The following MCF2L variants were observed in gnomAD, a reference collection of about 807,000 sequenced individuals.
MCF2L encodes the protein guanine nucleotide exchange factor DBS.
A neutral mutation model predicts 153.4 loss-of-function variants in MCF2L; 97 were observed. That is an observed-to-expected ratio of 0.63 (90% CI 0.54 to 0.75). MCF2L has a LOEUF of 0.75. MCF2L is among the 30% of genes least tolerant of loss of function. The pLI is 0.00. For missense variants in MCF2L, 1,347 were observed against 1,495.2 expected, an observed-to-expected ratio of 0.90 and a Z score of 1.64; for synonymous variants, 659 against 632.2, an observed-to-expected ratio of 1.04 and a Z score of -0.64.
intron 2 of MCF2L, among the ~76,000 whole-genome samples, chr13:112,930,353 C>G (rs1266703622): frequency 6.6e-6 from 1 of 152,110 alleles, no homozygotes; most frequent in African/African-American, 2.4e-5. Flanking sequence ...TGGAATATTA[C>G]TCAGCAGTGA....
In MCF2L at chr13:113,094,538, T is replaced by A. The variant is rs1209259842; in HGVS notation, c.2978T>A (p.Leu993Gln). The A allele has an allele frequency of 1.4e-5, 22 of 1,612,382 alleles. No homozygotes were observed. Among genetic ancestry groups the A allele is most frequent in the Non-Finnish European group, 1.8e-5 (21 of 1,179,612 alleles). ...GGTTGGAGCAAAACGTCCCACTCACTGGAGGCACCTGAGGACGACGGGGGC... is the reference window on the plus strand; with the variant it reads ...GGTTGGAGCAAAACGTCCCACTCACAGGAGGCACCTGAGGACGACGGGGGC... ...GKGWSKTSHS[L>Q]EAPEDDGGWS... is the part of the protein sequence containing the mutation. Residue 993 changes from leucine (L) to glutamine (Q), a missense_variant, in exon 27 of 30, where the codon CTG becomes CAG. Physicochemically the swap from Leu to Gln is moderately radical, Grantham distance 113. Coordinates refer to ENST00000535094, the MANE Select transcript of MCF2L (RefSeq NM_001112732.3).
intron 1 of MCF2L, chr13:112,979,428 C>A (rs1486986027): frequency 1.0e-5 from 14 of 1,401,068 alleles, no homozygotes; most frequent in Non-Finnish European, 1.2e-5. Flanking sequence ...TCTGGGAGGC[C>A]GGGCACTCTG....
intron 1 of MCF2L, among the ~76,000 whole-genome samples, chr13:112,984,886 T>C (rs2082573594): frequency 1.3e-5 from 2 of 152,034 alleles, no homozygotes; most frequent in Admixed American, 6.5e-5. Context: ...ATCCCTCCAA[T>C]TGCCAGTGGT....
chr13:112,895,071 G>A (rs1027734050), intron 1 of MCF2L, among the ~76,000 whole-genome samples: 1 of 152,194 alleles, frequency 6.6e-6, no homozygotes, highest in African/African-American at 2.4e-5. Flanking sequence ...CGTGGAGCGC[G>A]GGCTGGGCGG....
chr13:112,973,149 A>G (rs1392333644), intron 1 of MCF2L, among the ~76,000 whole-genome samples: 1 of 152,134 alleles, frequency 6.6e-6, no homozygotes, highest in Non-Finnish European at 1.5e-5. Flanking sequence ...CCTGCTTATT[A>G]GCCAGCCCAG....
Position 113,088,628 on chromosome 13 carries a change from G to A in MCF2L, c.2834G>A (p.Ser945Asn). The A allele has an allele frequency of 6.2e-7, 1 of 1,606,278 alleles. No homozygotes were observed. The highest frequency in any genetic ancestry group is 8.5e-7 in the Non-Finnish European group (1 of 1,179,714). ...SLPLPAPTST[S>N]PSRGNSRNIK... The stretch of plus-strand genomic sequence containing the variant: ...CCCCTGCCGGCCCCGACCAGCACCA[G>A]GTGAGAATGGACACGCTGCCGCAGG... The change falls in exon 25 of 30, where the codon AGT (serine) becomes AAT (asparagine). Residue 945 changes from serine to asparagine, a missense_variant and splice_region_variant. Ser to Asn is a conservative substitution (Grantham distance 46). Around this residue, in one of 3 missense-constraint regions of MCF2L, gnomAD observed 383 missense variants for 335.4 expected, o/e 1.14. Coordinates refer to ENST00000535094, the MANE Select transcript of MCF2L (RefSeq NM_001112732.3).
intron 1 of MCF2L, among the ~76,000 whole-genome samples, chr13:113,008,388 C>T (rs1435348796): frequency 6.6e-6 from 1 of 152,204 alleles, no homozygotes; most frequent in Non-Finnish European, 1.5e-5. Context: ...CAGTCACCCT[C>T]ATAGGAGTCC....
At chr13:113,005,436 G>A (rs1403242555) in intron 1 of MCF2L, among the ~76,000 whole-genome samples, 2 of 152,184 alleles carry the variant, frequency 1.3e-5, no homozygotes, top group African/African-American at 4.8e-5. Context: ...GGTGGGCCAT[G>A]GACTATTCGT....
rs59469407 is a variant in MCF2L, at chr13:113,050,281, A to AGT, written c.369+4924_369+4925dup. 2.6e-3 allele frequency among the ~76,000 whole-genome samples: 380 copies of AGT among 147,244 alleles called. 3 individuals carry two copies. Among genetic ancestry groups the AGT allele is most frequent in the African/African-American group, 7.5e-3 (296 of 39,600 alleles). On this transcript the variant is annotated intron_variant, in intron 4 of 29. Coordinates refer to ENST00000535094, the MANE Select transcript of MCF2L (RefSeq NM_001112732.3). Reference sequence around the variant, plus strand: ...GTAAGTGAATGTGTGTGAGACTGTGAGTGTGAGAGTGTGTGTGTGTGAGAG... The same window carrying AGT: ...GTAAGTGAATGTGTGTGAGACTGTGAGTGTGTGAGAGTGTGTGTGTGTGAGAG...
At chr13:112,905,499 A>G (rs2140505952) in intron 2 of MCF2L, among the ~76,000 whole-genome samples, 1 of 152,362 alleles carries the variant, frequency 6.6e-6, no homozygotes, top group South Asian at 2.1e-4. Context: ...CAAGGAAGTT[A>G]GGCTTTGAGC....
chr13:112,914,176 C>T (rs2081265862), intron 2 of MCF2L, among the ~76,000 whole-genome samples: 2 of 152,188 alleles, frequency 1.3e-5, no homozygotes, highest in African/African-American at 4.8e-5. Flanking sequence ...AGGATTCTTG[C>T]TCTGCACTGG....
rs546927067 is a variant in MCF2L at position 112,902,099 on chromosome 13, C to T, written c.-4-100C>T. 1.9e-5 allele frequency: 16 copies of T among 859,154 alleles called. No individual in the cohort carries two copies. In the South Asian group the frequency reaches 1.9e-4, roughly 10 times the overall value. 53.2% of individuals were successfully genotyped at this position (859,154 alleles called of 1,614,324 possible). A position where few individuals can be genotyped will look rare whatever the true frequency, so the allele number is the denominator to read the frequency against. ...TATCTTCACTGCAGAATAAATACCA[C>T]GAAGGTTGTAACTAGTTATTTCGGT... is the stretch of plus-strand genomic sequence containing the variant. On this transcript the variant is annotated intron_variant, in intron 1 of 29. Transcript: ENST00000375608.
At position 113,096,358 on chromosome 13, in the gene MCF2L, C is replaced by G. The variant is rs778981682; in HGVS notation, c.3076-13C>G. 5 of 1,548,804 alleles carry G rather than the reference C, an allele frequency of 3.2e-6. No individual in the cohort carries two copies. The highest frequency in any genetic ancestry group is 4.4e-6 in the Non-Finnish European group (5 of 1,143,394). ...TGCTGACGCTGTCTGTGCCCCTGCC[C>G]GTCTCCCACCAGGTTCCAGGTAAAT... is the stretch of plus-strand genomic sequence containing the variant. On this transcript the variant is annotated splice_polypyrimidine_tract_variant and intron_variant, in intron 27 of 29. Coordinates refer to ENST00000535094, the MANE Select transcript of MCF2L (RefSeq NM_001112732.3).
chr13:113,053,984 G>A lies in MCF2L; in HGVS notation c.370-6609G>A, dbSNP rs763997668. On this transcript the variant is annotated intron_variant, in intron 4 of 29. Transcript: ENST00000535094. The surrounding 1 kb of genome is among the most constrained non-coding windows in gnomAD (Gnocchi z 4.4). ...TCACACGGCTCCGAATCGGCGAAACGCAACCAACGCTGGGCAGAACCTTGG... is the reference window on the plus strand; with the variant it reads ...TCACACGGCTCCGAATCGGCGAAACACAACCAACGCTGGGCAGAACCTTGG... Among the ~76,000 whole-genome samples, 34 of 152,248 alleles carry A rather than the reference G, an allele frequency of 2.2e-4. No individual in the cohort carries two copies. Among genetic ancestry groups the A allele is most frequent in the Admixed American group, 7.2e-4 (11 of 15,300 alleles).
chr13:113,074,581 C>A lies in MCF2L; in HGVS notation c.1116+18C>A, dbSNP rs199736125. 1.9e-6 allele frequency: 3 copies of A among 1,610,750 alleles called. No homozygotes were observed. The highest frequency in any genetic ancestry group is 1.1e-5 in the South Asian group (1 of 91,044). ...AATCAGGCGTAAGGCGGGGTCCCGG[C>A]GGGGGCGGCGGGAGAGTGTGGGCAG... On this transcript the variant is annotated intron_variant, in intron 10 of 29. Transcript: ENST00000535094. The surrounding 1 kb of genome is among the most constrained non-coding windows in gnomAD (Gnocchi z 4.2).
At chr13:113,084,526 A>G (rs2034452087) in intron 18 of MCF2L, 1 of 344,446 alleles carries the variant, frequency 2.9e-6, no homozygotes, top group Admixed American at 4.5e-5. Flanking sequence ...ATAACAGGTA[A>G]TTTGTAAAAC....
At chr13:112,968,806 G>A (rs956028171), upstream of MCF2L, 51 of 1,337,700 alleles carry the variant, frequency 3.8e-5, no homozygotes, top group Non-Finnish European at 4.6e-5. Flanking sequence ...CAAACCAGGA[G>A]GGCGTGGAGA....
intron 2 of MCF2L, among the ~76,000 whole-genome samples, chr13:112,927,145 G>A (rs990989863): frequency 5.9e-5 from 9 of 152,328 alleles, no homozygotes; most frequent in Non-Finnish European, 1.0e-4. Flanking sequence ...GAACTCTCCC[G>A]TGGCATGGCT....
rs151084877 is a variant in MCF2L at position 113,021,608 on chromosome 13, C to T, written c.164-3036C>T. Among the ~76,000 whole-genome samples, 926 of 152,286 alleles carry T rather than the reference C, an allele frequency of 6.1e-3. 9 individuals carry two copies. The highest frequency in any genetic ancestry group is 0.021 in the African/African-American group (888 of 41,548). ...TTCAGTCCGCCTCCAGTTACTAGGC[C>T]GGGTGTAGACACAGAAGTAGAGCCT... On this transcript the variant is annotated intron_variant, in intron 2 of 29. Transcript: ENST00000535094.
Sources: allele counts gnomAD v4.1 joint callset (sites outside exome capture counted in the v4.1 genomes callset), GRCh38; gene constraint gnomAD v4.1.1; regional missense constraint gnomAD v4.1.1; non-coding constraint Gnocchi (gnomAD v3.1); transcripts MANE v1.5; gene names NCBI Gene and HGNC (gene_info 2026-07-23, HGNC 2026-07-21).